The following ANXA8 variants were observed in gnomAD, a reference collection of about 807,000 sequenced individuals.
ANXA8 encodes the protein VAC-beta.
A neutral mutation model predicts 26.8 loss-of-function variants in ANXA8; 9 were observed. The ratio of observed to expected loss-of-function variants is 0.34; its 90% confidence interval spans 0.20 to 0.59. ANXA8 has a LOEUF of 0.59. ANXA8 is among the 20% of genes least tolerant of loss of function. The probability of loss-of-function intolerance (pLI) is 0.84; values close to 1 mark genes in which losing one functional copy is unlikely to be tolerated. For missense variants in ANXA8, 83 were observed against 238.5 expected (o/e 0.35, Z 4.29); for synonymous variants, 39 against 94.8 (o/e 0.41, Z 3.42).
At chr10:47,631,812 T>C in the ANXA8 span, among the ~76,000 whole-genome samples, 1 of 151,384 alleles carries the variant, frequency 6.6e-6, no homozygotes. Flanking sequence ...ATTTTTCCTG[T>C]AAATATTAGA....
At chr10:47,672,900 C>A in the ANXA8 span, among the ~76,000 whole-genome samples, 1 of 151,374 alleles carries the variant, frequency 6.6e-6, no homozygotes, top group Non-Finnish European at 1.5e-5. Flanking sequence ...TTCTAAAAAC[C>A]CATCGAAGAG....
At chr10:47,658,843 ATTTATTATTTATTTAT>A in the ANXA8 span, among the ~76,000 whole-genome samples, 1 of 135,650 alleles carries the variant, frequency 7.4e-6, no homozygotes, top group African/African-American at 3.3e-5. Flanking sequence ...GTTTTTATTT[ATTTATTATTTATTTAT>A]TTATTTATTT....
At chr10:47,666,021 G>A in the ANXA8 span, among the ~76,000 whole-genome samples, 1 of 151,622 alleles carries the variant, frequency 6.6e-6, no homozygotes, top group South Asian at 2.1e-4. Flanking sequence ...GATTGATTAC[G>A]GCAACTAAAA....
the ANXA8 span, among the ~76,000 whole-genome samples, chr10:47,756,539 G>T: frequency 7.4e-6 from 1 of 134,288 alleles, no homozygotes; most frequent in East Asian, 2.5e-4. Flanking sequence ...TGCTCACTGG[G>T]CCCCCAGGCC....
chr10:47,679,413 A>G, the ANXA8 span, among the ~76,000 whole-genome samples: 1 of 152,210 alleles, frequency 6.6e-6, no homozygotes, highest in Non-Finnish European at 1.5e-5. Flanking sequence ...CAGCCTGGGC[A>G]ACATAGTGAT....
the ANXA8 span, among the ~76,000 whole-genome samples, chr10:47,769,653 G>A: frequency 6.6e-6 from 1 of 151,388 alleles, no homozygotes; most frequent in Non-Finnish European, 1.5e-5. Flanking sequence ...CTGGGCTTTA[G>A]TGCTCAAGGC....
At chr10:47,726,641 A>G in the ANXA8 span, among the ~76,000 whole-genome samples, 305 of 151,110 alleles carry the variant, frequency 2.0e-3, no homozygotes, top group Non-Finnish European at 3.2e-3. Flanking sequence ...AATAAAATGT[A>G]GTAATTTATC....
the ANXA8 span, among the ~76,000 whole-genome samples, chr10:47,691,712 T>TTGG: frequency 6.7e-6 from 1 of 149,896 alleles, no homozygotes; most frequent in African/African-American, 2.5e-5. Context: ...TGAGCTTTGA[T>TTGG]TGGGCCACTG....
the ANXA8 span, among the ~76,000 whole-genome samples, chr10:47,645,495 T>G: frequency 6.8e-6 from 1 of 148,056 alleles, no homozygotes; most frequent in Admixed American, 6.7e-5. Flanking sequence ...GTCCTTTAGT[T>G]AAAAATAAAA....
the ANXA8 span, among the ~76,000 whole-genome samples, chr10:47,535,265 CT>C: frequency 1.5e-5 from 2 of 132,128 alleles, 1 homozygote; most frequent in African/African-American, 6.9e-5. Flanking sequence ...GGAGCCACCA[CT>C]CCCGAACCCA....
At chr10:47,937,704 G>A in the ANXA8 span, among the ~76,000 whole-genome samples, 1 of 144,584 alleles carries the variant, frequency 6.9e-6, no homozygotes, top group Non-Finnish European at 1.5e-5. Flanking sequence ...ACTTATAAGT[G>A]AGAACATGTG....
At chr10:47,658,963 C>A in the ANXA8 span, among the ~76,000 whole-genome samples, 1 of 149,602 alleles carries the variant, frequency 6.7e-6, no homozygotes, top group East Asian at 1.9e-4. Flanking sequence ...GCTCCGCCTC[C>A]CAGGTTCATG....
the ANXA8 span, among the ~76,000 whole-genome samples, chr10:47,576,556 T>C: frequency 1.2e-3 from 186 of 149,314 alleles, no homozygotes; most frequent in African/African-American, 4.3e-3. Flanking sequence ...CTCTACCTCC[T>C]AGGCTCAAGC....
At chr10:47,733,271 CTTTCTTTCTTTCTTTCTTTCTTTCTTT>C in the ANXA8 span, among the ~76,000 whole-genome samples, 1 of 101,050 alleles carries the variant, frequency 9.9e-6, no homozygotes, top group Non-Finnish European at 2.0e-5. Flanking sequence ...TTCTTTCTTT[CTTTCTTTCTTTCTTTCTTTCTTTCTTT>C]TTTTTCTTTC....
the ANXA8 span, among the ~76,000 whole-genome samples, chr10:47,748,007 T>C: frequency 6.6e-6 from 1 of 152,036 alleles, no homozygotes; most frequent in Non-Finnish European, 1.5e-5. Flanking sequence ...GTATGGAAAA[T>C]ACAGCAAAGA....
At chr10:47,743,319 T>TATACAC in the ANXA8 span, among the ~76,000 whole-genome samples, 32 of 45,812 alleles carry the variant, frequency 7.0e-4, no homozygotes, top group East Asian at 2.5e-3. Context: ...TATACACATA[T>TATACAC]ATATATATAC....
chr10:47,777,724 A>G, the ANXA8 span, among the ~76,000 whole-genome samples: 1 of 152,062 alleles, frequency 6.6e-6, no homozygotes, highest in Non-Finnish European at 1.5e-5. Context: ...CTCTTTGTCC[A>G]CTGCCTTCCA....
chr10:47,959,570 A>AG, the ANXA8 span, among the ~76,000 whole-genome samples: 1 of 147,348 alleles, frequency 6.8e-6, no homozygotes, highest in South Asian at 2.2e-4. Context: ...AAGGAGTCTG[A>AG]GCTTGGACCT....
At chr10:47,941,606 G>C in the ANXA8 span, among the ~76,000 whole-genome samples, 1 of 146,596 alleles carries the variant, frequency 6.8e-6, no homozygotes, top group Middle Eastern at 3.5e-3. Context: ...TTGCTTCACG[G>C]CACTCCAGCC....
Sources: gnomAD v4.1 joint callset for allele counts (sites outside exome capture counted in the v4.1 genomes callset) on GRCh38, gnomAD v4.1.1 for gene constraint, MANE v1.5 for transcripts, NCBI Gene and HGNC (gene_info 2026-07-23, HGNC 2026-07-21) for gene names.